ARHGAP15: variants seen among roughly 807,000 people sequenced by gnomAD.
The protein encoded by ARHGAP15 is Rho GTPase activating protein 15.
In ARHGAP15, 51 loss-of-function variants were observed where a neutral mutation model predicts 63.7. That is an observed-to-expected ratio of 0.80 (90% CI 0.64 to 1.01). The LOEUF (loss-of-function observed/expected upper bound fraction) is 1.01, where lower values mean the gene tolerates loss of function less well. ARHGAP15 is among the 50% of genes least tolerant of loss of function. The pLI is 0.00. For missense variants in ARHGAP15, 560 were observed against 564.6 expected, an observed-to-expected ratio of 0.99 and a Z score of 0.08; for synonymous variants, 191 against 193.8, an observed-to-expected ratio of 0.99 and a Z score of 0.12.
At chr2:143,317,189 T>G (rs1683759569) in intron 6 of ARHGAP15, among the ~76,000 whole-genome samples, 1 of 151,414 alleles carries the variant, frequency 6.6e-6, no homozygotes, top group Admixed American at 6.6e-5. Context: ...AGACACTTTG[T>G]CTTTCTTGTC....
chr2:143,284,687 A>G (rs1301062092), intron 6 of ARHGAP15, among the ~76,000 whole-genome samples: 1 of 152,208 alleles, frequency 6.6e-6, no homozygotes, highest in African/African-American at 2.4e-5. Context: ...TGAGATAACC[A>G]ACATTGAGCT....
chr2:143,520,752 AT>A (rs1220815471), intron 10 of ARHGAP15, among the ~76,000 whole-genome samples: 1 of 152,148 alleles, frequency 6.6e-6, no homozygotes, highest in African/African-American at 2.4e-5. Flanking sequence ...AATTGTCATC[AT>A]TTTCAGGAAA....
chr2:143,301,197 G>A (rs969036223), intron 6 of ARHGAP15, among the ~76,000 whole-genome samples: 7 of 151,762 alleles, frequency 4.6e-5, no homozygotes, highest in Non-Finnish European at 1.0e-4. Flanking sequence ...CTTAATATTT[G>A]CATTCCTTTT....
chr2:143,353,075 C>T (rs537488846), intron 6 of ARHGAP15, among the ~76,000 whole-genome samples: 2 of 150,958 alleles, frequency 1.3e-5, no homozygotes, highest in South Asian at 4.2e-4. Context: ...CTTTTTTTTT[C>T]AGGAAAAGAA....
chr2:143,339,705 G>C (rs1047952243), intron 6 of ARHGAP15, among the ~76,000 whole-genome samples: 2 of 151,962 alleles, frequency 1.3e-5, no homozygotes, highest in Admixed American at 6.6e-5. Flanking sequence ...CTTCTCCACG[G>C]TGCCTATGGT....
intron 6 of ARHGAP15, among the ~76,000 whole-genome samples, chr2:143,382,803 C>G (rs1687117826): frequency 6.6e-6 from 1 of 152,176 alleles, no homozygotes; most frequent in African/African-American, 2.4e-5. Flanking sequence ...GTGCTGTTCA[C>G]TTGCTCTCTT....
intron 6 of ARHGAP15, among the ~76,000 whole-genome samples, chr2:143,328,800 T>A (rs1024975009): frequency 2.0e-5 from 3 of 152,194 alleles, no homozygotes; most frequent in Non-Finnish European, 4.4e-5. Flanking sequence ...CAACAATAAT[T>A]TATTGTACAT....
intron 6 of ARHGAP15, among the ~76,000 whole-genome samples, chr2:143,414,987 A>G (rs1688613729): frequency 6.6e-6 from 1 of 152,196 alleles, no homozygotes; most frequent in Non-Finnish European, 1.5e-5. Context: ...ATAACCAGAA[A>G]ACAAAATCAA....
intron 3 of ARHGAP15, 39 bp from the exon 4 acceptor site, chr2:143,216,345 T>C (rs746844532): frequency 6.8e-6 from 10 of 1,471,948 alleles, no homozygotes; most frequent in African/African-American, 1.4e-5. Context: ...CAATGCATAG[T>C]AGTTTGTCAC....
intron 6 of ARHGAP15, among the ~76,000 whole-genome samples, chr2:143,266,142 T>C (rs572342199): frequency 6.6e-6 from 1 of 152,062 alleles, no homozygotes; most frequent in East Asian, 1.9e-4. Context: ...AATATCTAAT[T>C]TATGGTTAGG....
intron 6 of ARHGAP15, among the ~76,000 whole-genome samples, chr2:143,365,344 ACT>A (rs2105345223): frequency 6.6e-6 from 1 of 152,176 alleles, no homozygotes; most frequent in African/African-American, 2.4e-5. Flanking sequence ...TTGGCACAAG[ACT>A]CTGTTGCTTT....
chr2:143,451,669 A>T (rs991319231), intron 8 of ARHGAP15, among the ~76,000 whole-genome samples: 3 of 151,928 alleles, frequency 2.0e-5, no homozygotes, highest in African/African-American at 7.2e-5. Flanking sequence ...AAAAAATACA[A>T]ATTTCTCTAG....
rs1181569409 is a variant in ARHGAP15 at position 143,612,208 on chromosome 2, A to G, written c.1004-11925A>G. 2.0e-5 allele frequency among the ~76,000 whole-genome samples: 3 copies of G among 152,332 alleles called. No homozygotes were observed. In the South Asian group the frequency reaches 6.2e-4, roughly 32 times the overall value. On this transcript the variant is annotated intron_variant, in intron 11 of 13. Transcript: ENST00000295095. ...TTCATCATTCACCTTTGCACTGGTC[A>G]TAATGAAGCCTCTTGCCAATATCAA...
intron 11 of ARHGAP15, among the ~76,000 whole-genome samples, chr2:143,586,846 C>T (rs1697128278): frequency 6.6e-6 from 1 of 152,062 alleles, no homozygotes; most frequent in Admixed American, 6.6e-5. Context: ...TACTCAATTA[C>T]TCTAATTCTT....
chr2:143,160,013 T>C (rs1182276465), intron 2 of ARHGAP15, among the ~76,000 whole-genome samples: 1 of 151,900 alleles, frequency 6.6e-6, no homozygotes, highest in Non-Finnish European at 1.5e-5. Context: ...GCTGATCTTT[T>C]TTCATTAACT....
At chr2:143,388,949 T>G (rs1381819327) in intron 6 of ARHGAP15, among the ~76,000 whole-genome samples, 1 of 151,604 alleles carries the variant, frequency 6.6e-6, no homozygotes, top group East Asian at 1.9e-4. Context: ...GAGAATTAAT[T>G]TTTTTTTAAT....
intron 6 of ARHGAP15, among the ~76,000 whole-genome samples, chr2:143,421,900 G>A (rs566791582): frequency 6.6e-6 from 1 of 151,528 alleles, no homozygotes; most frequent in Non-Finnish European, 1.5e-5. Context: ...AAAGAGAAAG[G>A]GGGGGAGAGA....
In ARHGAP15 at chr2:143,656,409, T is replaced by C. The variant is rs143435719; in HGVS notation, c.1138+32142T>C. 2.9e-3 allele frequency among the ~76,000 whole-genome samples: 436 copies of C among 152,314 alleles called. 3 individuals carry two copies. Among genetic ancestry groups the C allele is most frequent in the African/African-American group, 0.01 (416 of 41,558 alleles). On this transcript the variant is annotated intron_variant, in intron 12 of 13. Coordinates refer to ENST00000295095, the MANE Select transcript of ARHGAP15 (RefSeq NM_018460.4). The stretch of plus-strand genomic sequence containing the variant: ...AAACACTTGGGCAGTCTAATTAGGC[T>C]AGTCAATTACTTGTGCAAAAGTAGA...
intron 13 of ARHGAP15, among the ~76,000 whole-genome samples, chr2:143,746,705 GTGAA>G (rs1686178421): frequency 6.6e-6 from 1 of 152,170 alleles, no homozygotes; most frequent in African/African-American, 2.4e-5. Context: ...TAAAACATAT[GTGAA>G]TGAAATAACT....
Sources: gnomAD v4.1 joint callset for allele counts (sites outside exome capture counted in the v4.1 genomes callset) on GRCh38, gnomAD v4.1.1 for gene constraint, MANE v1.5 for transcripts, NCBI Gene and HGNC (gene_info 2026-07-23, HGNC 2026-07-21) for gene names.